The following ASTN2 variants were observed in gnomAD, a reference collection of about 807,000 sequenced individuals.
ASTN2 encodes astrotactin-2.
ASTN2 carries 54 observed loss-of-function variants against 139.8 expected under a neutral mutation model. That is an observed-to-expected ratio of 0.39 (90% CI 0.31 to 0.48). The LOEUF is 0.48. ASTN2 is among the 20% of genes least tolerant of loss of function. ASTN2 has a pLI of 0.95. For synonymous variants in ASTN2, 756 were observed against 719.5 expected, an observed-to-expected ratio of 1.05 and a Z score of -0.81; for missense variants, 1,565 against 1,725.1, an observed-to-expected ratio of 0.91 and a Z score of 1.64.
At chr9:116,763,221 A>C (rs1227742864) in intron 13 of ASTN2, among the ~76,000 whole-genome samples, 1 of 152,192 alleles carries the variant, frequency 6.6e-6, no homozygotes, top group Non-Finnish European at 1.5e-5. Context: ...GTCGTTTGGC[A>C]TGCAGTAGGT....
intron 19 of ASTN2, among the ~76,000 whole-genome samples, chr9:116,592,706 C>A (rs1443137587): frequency 1.3e-5 from 2 of 152,154 alleles, no homozygotes; most frequent in East Asian, 3.9e-4. Flanking sequence ...TCCCTAAAGG[C>A]TGAAAGTCAT....
At chr9:117,179,776 C>G (rs1288322605) in intron 3 of ASTN2, among the ~76,000 whole-genome samples, 1 of 152,166 alleles carries the variant, frequency 6.6e-6, no homozygotes, top group Non-Finnish European at 1.5e-5. Context: ...CACTGCAGAT[C>G]TGTCATTCAG....
intron 19 of ASTN2, among the ~76,000 whole-genome samples, chr9:116,598,583 G>A (rs1854706100): frequency 6.6e-6 from 1 of 152,236 alleles, no homozygotes; most frequent in Admixed American, 6.5e-5. Context: ...CTAGATGCCT[G>A]TGACTGAGTG....
intron 10 of ASTN2, among the ~76,000 whole-genome samples, chr9:116,965,146 G>A (rs998932214): frequency 6.6e-6 from 1 of 152,232 alleles, no homozygotes; most frequent in Admixed American, 6.5e-5. Flanking sequence ...TGTAGTCTCA[G>A]AAACCTTCCC....
In ASTN2 at chr9:117,214,347, G is replaced by A. The variant is rs183392195; in HGVS notation, c.1015+11C>T. 161 of 1,567,524 alleles carry A rather than the reference G, an allele frequency of 1.0e-4. No individual in the cohort carries two copies. In the African/African-American group the frequency reaches 2.0e-3, roughly 19 times the overall value. On this transcript the variant is annotated intron_variant, in intron 3 of 22. Transcript: ENST00000313400. The stretch of plus-strand genomic sequence containing the variant: ...CCCCCTGGAAAATGGGCTGTGACAT[G>A]GAGGACTCACCTTTCTTCTCAAAGT...
chr9:117,244,312 G>A (rs1028281048), intron 2 of ASTN2, among the ~76,000 whole-genome samples: 4 of 152,130 alleles, frequency 2.6e-5, no homozygotes, highest in African/African-American at 9.7e-5. Context: ...TCTCAGTCAG[G>A]TGGCTATATT....
At chr9:117,028,717 A>T (rs1009301311) in intron 6 of ASTN2, among the ~76,000 whole-genome samples, 1 of 151,904 alleles carries the variant, frequency 6.6e-6, no homozygotes, top group Non-Finnish European at 1.5e-5. Context: ...TCTGCTCCCT[A>T]CCTCCCTGTT....
intron 3 of ASTN2, among the ~76,000 whole-genome samples, chr9:117,203,515 G>A (rs1042937092): frequency 1.3e-5 from 2 of 152,104 alleles, no homozygotes; most frequent in Non-Finnish European, 2.9e-5. Flanking sequence ...CTTGGATGGG[G>A]TTTTTGTGGG....
Position 116,607,847 on chromosome 9 carries a change from G to T in ASTN2, c.3355+10477C>A, listed in dbSNP as rs542069630. 5.9e-5 allele frequency among the ~76,000 whole-genome samples: 9 copies of T among 152,250 alleles called. No individual in the cohort carries two copies. The East Asian group carries it at 1.7e-3, about 29-fold the overall frequency. ...ATGGTGGCACGCACCTGTAGTCCCA[G>T]CTACTCGGGAGGCTGAGGCAGGAGA... On this transcript the variant is annotated intron_variant, in intron 19 of 22. Coordinates refer to ENST00000313400, the MANE Select transcript of ASTN2 (RefSeq NM_001365068.1).
chr9:116,533,231 A>C, intron 19 of ASTN2, among the ~76,000 whole-genome samples: 1 of 152,210 alleles, frequency 6.6e-6, no homozygotes. Context: ...ACTTTGCTGA[A>C]GTTGCTTATC....
intron 1 of ASTN2, among the ~76,000 whole-genome samples, chr9:117,361,613 T>C (rs1179790700): frequency 6.6e-6 from 1 of 152,160 alleles, no homozygotes; most frequent in Non-Finnish European, 1.5e-5. Flanking sequence ...GCAGGAAATG[T>C]CAATGGCGCT....
rs540674895 is a variant in ASTN2 at position 117,347,819 on chromosome 9, C to T, written c.443-56306G>A. ...CTCACATCTCTCCTTGTGCAAAGTCCCCAGCACTGGATGACAAGGGCACAT... is the reference window on the plus strand; with the variant it reads ...CTCACATCTCTCCTTGTGCAAAGTCTCCAGCACTGGATGACAAGGGCACAT... On this transcript the variant is annotated intron_variant, in intron 1 of 22. Coordinates refer to ENST00000313400, the MANE Select transcript of ASTN2 (RefSeq NM_001365068.1). Among the ~76,000 whole-genome samples, 4 of 152,230 alleles carry T rather than the reference C, an allele frequency of 2.6e-5. No homozygotes were observed. The East Asian group carries it at 5.8e-4, about 22-fold the overall frequency.
At chr9:116,859,580 G>A (rs1832825497) in intron 11 of ASTN2, among the ~76,000 whole-genome samples, 1 of 152,168 alleles carries the variant, frequency 6.6e-6, no homozygotes, top group Admixed American at 6.5e-5. Flanking sequence ...AGAAGTAAAG[G>A]TCATCTGAGC....
chr9:116,433,429 G>A (rs1423134442), intron 22 of ASTN2, among the ~76,000 whole-genome samples: 1 of 152,078 alleles, frequency 6.6e-6, no homozygotes, highest in Admixed American at 6.5e-5. Flanking sequence ...CCATCTCCAT[G>A]CATATCCATA....
At chr9:117,164,067 T>G (rs1830613175) in intron 3 of ASTN2, among the ~76,000 whole-genome samples, 1 of 150,712 alleles carries the variant, frequency 6.6e-6, no homozygotes. Flanking sequence ...ATTTTTTGAT[T>G]GATAAACAAT....
At chr9:116,617,157 G>A (rs1250431342) in intron 19 of ASTN2, among the ~76,000 whole-genome samples, 1 of 152,050 alleles carries the variant, frequency 6.6e-6, no homozygotes, top group African/African-American at 2.4e-5. Flanking sequence ...TCCATAATCT[G>A]GGCTTTTCTT....
At chr9:116,555,491 G>A (rs1433918345) in intron 19 of ASTN2, among the ~76,000 whole-genome samples, 1 of 152,096 alleles carries the variant, frequency 6.6e-6, no homozygotes, top group East Asian at 1.9e-4. Context: ...TTAAGTGAAT[G>A]GGAATGGGCT....
At chr9:116,602,556 G>T (rs1009139728) in intron 19 of ASTN2, among the ~76,000 whole-genome samples, 5 of 152,140 alleles carry the variant, frequency 3.3e-5, no homozygotes, top group Non-Finnish European at 5.9e-5. Context: ...CATGAAAAAT[G>T]TTAAATTGTT....
chr9:117,206,884 G>T (rs906495427), intron 3 of ASTN2, among the ~76,000 whole-genome samples: 2 of 152,124 alleles, frequency 1.3e-5, no homozygotes, highest in Non-Finnish European at 2.9e-5. Context: ...CTGAGAACTG[G>T]CTCCAGAGTG....
Sources: allele counts gnomAD v4.1 joint callset (sites outside exome capture counted in the v4.1 genomes callset), GRCh38; gene constraint gnomAD v4.1.1; transcripts MANE v1.5; gene names NCBI Gene and HGNC (gene_info 2026-07-23, HGNC 2026-07-21).